ZBTB20: variants seen among roughly 807,000 people sequenced by gnomAD.
The protein encoded by ZBTB20 is zinc finger and BTB domain-containing protein 20.
ZBTB20 carries 9 observed loss-of-function variants against 56.9 expected under a neutral mutation model. That is an observed-to-expected ratio of 0.16 (90% CI 0.10 to 0.28). The LOEUF (loss-of-function observed/expected upper bound fraction) is 0.28. Among genes scored for constraint, ZBTB20 ranks in the 10% least tolerant of loss-of-function variants. The pLI, the probability that ZBTB20 is intolerant of heterozygous loss-of-function variation, is 1.00. For missense variants in ZBTB20, 655 were observed against 1,003.0 expected, an observed-to-expected ratio of 0.65 and a Z score of 4.69; for synonymous variants, 417 against 420.7, an observed-to-expected ratio of 0.99 and a Z score of 0.11.
intron 7 of ZBTB20, among the ~76,000 whole-genome samples, chr3:114,440,736 G>A (rs571620920): frequency 3.9e-5 from 6 of 152,250 alleles, no homozygotes; most frequent in African/African-American, 1.2e-4. Flanking sequence ...CCCTTCTCTC[G>A]CAAGAGCTAG....
At chr3:114,382,863 T>C (rs1446273740) in intron 8 of ZBTB20, among the ~76,000 whole-genome samples, 1 of 152,236 alleles carries the variant, frequency 6.6e-6, no homozygotes, top group Non-Finnish European at 1.5e-5. Flanking sequence ...ATATTCATTT[T>C]ACAAATATTT....
chr3:114,361,023 T>G (rs188081682), intron 10 of ZBTB20, among the ~76,000 whole-genome samples: 1 of 152,252 alleles, frequency 6.6e-6, no homozygotes, highest in African/African-American at 2.4e-5. Flanking sequence ...AGGCATTTTA[T>G]CTTTATGATA....
chr3:115,078,585 C>A, intron 1 of ZBTB20, among the ~76,000 whole-genome samples: 1 of 137,668 alleles, frequency 7.3e-6, no homozygotes. Flanking sequence ...ACAACATTAT[C>A]AGTAAGAATA....
chr3:114,743,318 T>C (rs370964455), intron 5 of ZBTB20: 90 of 152,204 alleles, frequency 5.9e-4, no homozygotes, highest in African/African-American at 2.1e-3. Flanking sequence ...AAGATCCAAT[T>C]ACCACTCTTT....
chr3:115,096,718 G>A (rs1234263041), intron 1 of ZBTB20, among the ~76,000 whole-genome samples: 3 of 152,134 alleles, frequency 2.0e-5, no homozygotes, highest in Non-Finnish European at 2.9e-5. Flanking sequence ...CGGCATGACC[G>A]GCCACTGCTT....
intron 4 of ZBTB20, among the ~76,000 whole-genome samples, chr3:114,897,967 C>T (rs1310554629): frequency 6.6e-6 from 1 of 152,060 alleles, no homozygotes; most frequent in Non-Finnish European, 1.5e-5. Context: ...CTTAACTGTT[C>T]TATTTTGACT....
At chr3:114,572,541 G>A (rs2053552504) in intron 6 of ZBTB20, among the ~76,000 whole-genome samples, 1 of 152,192 alleles carries the variant, frequency 6.6e-6, no homozygotes, top group Non-Finnish European at 1.5e-5. Flanking sequence ...AAATGGTTCT[G>A]GGTTAACTTA....
At chr3:114,723,491 T>A (rs1359446859) in intron 5 of ZBTB20, among the ~76,000 whole-genome samples, 1 of 152,208 alleles carries the variant, frequency 6.6e-6, no homozygotes, top group African/African-American at 2.4e-5. Context: ...GCATATGATA[T>A]CACCAAATTC....
At chr3:114,859,241 TTTC>T (rs1261130667) in intron 4 of ZBTB20, among the ~76,000 whole-genome samples, 7 of 149,614 alleles carry the variant, frequency 4.7e-5, no homozygotes, top group South Asian at 4.4e-4. Flanking sequence ...CTTTCCTTCC[TTTC>T]TTCTTTCTTT....
intron 4 of ZBTB20, among the ~76,000 whole-genome samples, chr3:114,868,817 T>A (rs2075874368): frequency 6.6e-6 from 1 of 152,180 alleles, no homozygotes; most frequent in African/African-American, 2.4e-5. Context: ...GATTATTTTT[T>A]ACTCTTATCA....
Position 114,493,291 on chromosome 3 carries a change from T to C in ZBTB20, c.-255+7061A>G, listed in dbSNP as rs866125598. ...CTGACCCACTGAAGAAAATGTGGGT[T>C]GTTTCCAGTTTTGGGCTATTACAAA... is the stretch of plus-strand genomic sequence containing the variant. On this transcript the variant is annotated intron_variant, in intron 7 of 11. Coordinates refer to ENST00000675478, the MANE Select transcript of ZBTB20 (RefSeq NM_001348800.3). 1.4e-4 allele frequency among the ~76,000 whole-genome samples: 22 copies of C among 152,210 alleles called. 1 individual carries two copies. Among genetic ancestry groups the C allele is most frequent in the Non-Finnish European group, 4.4e-5 (3 of 68,036 alleles).
At chr3:114,488,151 C>G (rs1304094995) in intron 7 of ZBTB20, among the ~76,000 whole-genome samples, 1 of 152,170 alleles carries the variant, frequency 6.6e-6, no homozygotes, top group African/African-American at 2.4e-5. Flanking sequence ...TGTCATAGGT[C>G]TCTGGTGGTG....
intron 4 of ZBTB20, among the ~76,000 whole-genome samples, chr3:114,820,750 C>CT (rs1000737162): frequency 6.6e-6 from 1 of 151,704 alleles, no homozygotes; most frequent in Non-Finnish European, 1.5e-5. Flanking sequence ...AGATACTTGA[C>CT]TTTTTTTTAG....
At chr3:115,121,669 G>A (rs761603032) in intron 1 of ZBTB20, among the ~76,000 whole-genome samples, 1 of 151,942 alleles carries the variant, frequency 6.6e-6, no homozygotes, top group Non-Finnish European at 1.5e-5. Flanking sequence ...AGAGAATGTT[G>A]TAAAGCTTTA....
At chr3:114,997,617 A>C (rs1252951898) in intron 2 of ZBTB20, among the ~76,000 whole-genome samples, 2 of 151,826 alleles carry the variant, frequency 1.3e-5, no homozygotes, top group East Asian at 3.9e-4. Context: ...ATAACAAAGG[A>C]GTTTACAAAG....
At chr3:114,435,493 T>C (rs535951700) in intron 7 of ZBTB20, among the ~76,000 whole-genome samples, 56 of 152,316 alleles carry the variant, frequency 3.7e-4, no homozygotes, top group Middle Eastern at 6.8e-3. Context: ...GGAATTCAAA[T>C]TGGAGCAGTA....
chr3:115,051,600 T>C (rs2081550348), intron 2 of ZBTB20, among the ~76,000 whole-genome samples: 1 of 152,190 alleles, frequency 6.6e-6, no homozygotes, highest in Admixed American at 6.5e-5. Flanking sequence ...AAATAGTTTG[T>C]TTTCCTAAAT....
At chr3:114,683,874 T>C (rs1560123595) in intron 6 of ZBTB20, among the ~76,000 whole-genome samples, 2 of 152,104 alleles carry the variant, frequency 1.3e-5, no homozygotes, top group Admixed American at 6.6e-5. Flanking sequence ...TGAGGGACTA[T>C]GACAGGATTC....
chr3:114,909,193 A>G (rs1398911174), intron 3 of ZBTB20, among the ~76,000 whole-genome samples: 1 of 151,992 alleles, frequency 6.6e-6, no homozygotes. Flanking sequence ...GGTGGAGGAC[A>G]GTGATATGGA....
Sources: allele counts gnomAD v4.1 joint callset (sites outside exome capture counted in the v4.1 genomes callset), GRCh38; gene constraint gnomAD v4.1.1; transcripts MANE v1.5; gene names NCBI Gene and HGNC (gene_info 2026-07-23, HGNC 2026-07-21).